Variants in GLIS3 observed in about 807,000 individuals in gnomAD.
GLIS3 encodes the protein zinc finger protein GLIS3.
A neutral mutation model predicts 78.6 loss-of-function variants in GLIS3; 53 were observed. That is an observed-to-expected ratio of 0.67 (90% CI 0.54 to 0.85). The LOEUF is 0.85. Ranked by LOEUF, GLIS3 falls within the 40% of genes least tolerant of loss-of-function variation. The probability of loss-of-function intolerance (pLI) is 0.00; values close to 1 mark genes in which losing one functional copy is unlikely to be tolerated. For missense variants in GLIS3, 1,703 were observed against 1,231.1 expected, an observed-to-expected ratio of 1.38 and a Z score of -5.74; for synonymous variants, 684 against 509.9, an observed-to-expected ratio of 1.34 and a Z score of -4.60.
chr9:4,249,028 A>C (rs146046002), intron 2 of GLIS3, among the ~76,000 whole-genome samples: 10 of 152,104 alleles, frequency 6.6e-5, no homozygotes, highest in Middle Eastern at 3.2e-3. Context: ...TTTGGTTACT[A>C]TACCCTTGTA....
intron 2 of GLIS3, among the ~76,000 whole-genome samples, chr9:4,245,546 G>C (rs1417769674): frequency 1.3e-5 from 2 of 152,212 alleles, no homozygotes; most frequent in East Asian, 1.9e-4. Context: ...ATAAATGTAA[G>C]GATGTGCAGT....
intron 4 of GLIS3, among the ~76,000 whole-genome samples, chr9:4,042,730 A>T (rs1230737713): frequency 1.3e-5 from 2 of 152,340 alleles, no homozygotes; most frequent in African/African-American, 4.8e-5. Flanking sequence ...CAAAAACTGT[A>T]GGGAAATATA....
At chr9:4,369,758 A>G in the GLIS3 span, among the ~76,000 whole-genome samples, 1 of 152,254 alleles carries the variant, frequency 6.6e-6, no homozygotes, top group Non-Finnish European at 1.5e-5. Flanking sequence ...GGACCTTGAC[A>G]AGTTGGAACC....
rs775835226 is a variant in GLIS3, at chr9:4,118,260, G to C, written c.1218C>G (p.Gly406=). 1 of 1,589,588 alleles carries C rather than the reference G, an allele frequency of 6.3e-7. No homozygotes were observed. ...GCTGCACCACCATGTGGTTGACCAG[G>C]CCTGGCTGCAGGCCGCCGTGCTCCA... The part of the protein sequence containing the change: ...QQLEHGGLQP[G]LVNHMVVQHG... Residue 406 remains glycine (G), a synonymous_variant, in exon 4 of 11, where the codon GGC becomes GGG. Transcript: ENST00000381971. The surrounding 1 kb of genome is among the most constrained non-coding windows in gnomAD (Gnocchi z 4.7).
intron 2 of GLIS3, among the ~76,000 whole-genome samples, chr9:4,336,860 A>G (rs986378880): frequency 1.7e-4 from 26 of 152,258 alleles, no homozygotes; most frequent in African/African-American, 6.3e-4. Flanking sequence ...GAGGTCTACA[A>G]AGTTATCTGT....
intron 2 of GLIS3, among the ~76,000 whole-genome samples, chr9:4,200,729 A>G (rs1819310426): frequency 6.6e-6 from 1 of 152,200 alleles, no homozygotes; most frequent in African/African-American, 2.4e-5. Flanking sequence ...ATGGACTCAC[A>G]GGACTCACGG....
At chr9:4,160,362 A>G (rs1170253901) in intron 2 of GLIS3, among the ~76,000 whole-genome samples, 1 of 152,250 alleles carries the variant, frequency 6.6e-6, no homozygotes, top group Admixed American at 6.5e-5. Flanking sequence ...TGTGGGAAAT[A>G]GGAACTCGCC....
At chr9:3,830,082 GAAT>G (rs1817958545) in intron 9 of GLIS3, among the ~76,000 whole-genome samples, 1 of 152,102 alleles carries the variant, frequency 6.6e-6, no homozygotes, top group African/African-American at 2.4e-5. Context: ...AACTGGAAGT[GAAT>G]AATGTTATGA....
chr9:3,857,106 C>CAGTTCAGTAGGGGACTGACAGAATATAG (rs1431494664), intron 8 of GLIS3, among the ~76,000 whole-genome samples: 5 of 152,278 alleles, frequency 3.3e-5, no homozygotes, highest in Non-Finnish European at 5.9e-5. Flanking sequence ...CTCCAGGTGC[C>CAGTTCAGTAGGGGACTGACAGAATATAG]AGTTCAGTAG....
rs76014781 is a variant in GLIS3, at chr9:4,224,988, T to C, written c.388+61050A>G. Among the ~76,000 whole-genome samples, 452 of 152,024 alleles carry C rather than the reference T, an allele frequency of 3.0e-3. 2 individuals are homozygous for C. Among genetic ancestry groups the C allele is most frequent in the African/African-American group, 0.01 (421 of 41,488 alleles). Reference sequence around the variant, plus strand: ...TTTTTAAACTATAATAATATACTATTTATATAGATCTTCCTACTATTTTTC... The same window carrying C: ...TTTTTAAACTATAATAATATACTATCTATATAGATCTTCCTACTATTTTTC... On this transcript the variant is annotated intron_variant, in intron 2 of 10. Coordinates refer to ENST00000381971, the MANE Select transcript of GLIS3 (RefSeq NM_001042413.2).
the GLIS3 span, among the ~76,000 whole-genome samples, chr9:4,488,277 G>A: frequency 6.6e-6 from 1 of 152,016 alleles, no homozygotes; most frequent in Non-Finnish European, 1.5e-5. Context: ...TTACACACAT[G>A]TGATCAAATT....
At chr9:3,850,249 G>T (rs977514973) in intron 9 of GLIS3, among the ~76,000 whole-genome samples, 1 of 152,188 alleles carries the variant, frequency 6.6e-6, no homozygotes, top group Admixed American at 6.5e-5. Flanking sequence ...CCAGTGCACA[G>T]GAAGGCGTGT....
At chr9:4,274,158 T>C (rs1325208489) in intron 2 of GLIS3, among the ~76,000 whole-genome samples, 1 of 152,162 alleles carries the variant, frequency 6.6e-6, no homozygotes, top group Non-Finnish European at 1.5e-5. Flanking sequence ...AAGCCTGAAC[T>C]GGACAATGGG....
intron 1 of GLIS3, among the ~76,000 whole-genome samples, chr9:4,298,050 G>A (rs1266114011): frequency 6.6e-6 from 1 of 152,172 alleles, no homozygotes; most frequent in African/African-American, 2.4e-5. Context: ...GCGCGAGCGA[G>A]CGAGGGAGCG....
intron 4 of GLIS3, among the ~76,000 whole-genome samples, chr9:4,103,130 T>C (rs1830496840): frequency 6.6e-6 from 1 of 152,216 alleles, no homozygotes; most frequent in Non-Finnish European, 1.5e-5. Flanking sequence ...TTTTGTTCCC[T>C]AGCTATCATA....
chr9:4,428,482 T>TGA, the GLIS3 span, among the ~76,000 whole-genome samples: 1 of 48,520 alleles, frequency 2.1e-5, no homozygotes, highest in Admixed American at 3.2e-4. Context: ...AGACTCTGTC[T>TGA]CAAAAAAAAA....
chr9:4,085,907 G>A (rs376314550), intron 4 of GLIS3, among the ~76,000 whole-genome samples: 1 of 152,168 alleles, frequency 6.6e-6, no homozygotes, highest in Non-Finnish European at 1.5e-5. Flanking sequence ...CTGCAGAACT[G>A]TGAGCAAATT....
At chr9:3,869,161 A>G (rs1192204382) in intron 8 of GLIS3, among the ~76,000 whole-genome samples, 2 of 152,048 alleles carry the variant, frequency 1.3e-5, no homozygotes, top group Non-Finnish European at 2.9e-5. Context: ...GTAAACAAAT[A>G]AACCTCTAGT....
chr9:4,376,575 T>C, the GLIS3 span, among the ~76,000 whole-genome samples: 1 of 134,244 alleles, frequency 7.4e-6, no homozygotes, highest in African/African-American at 2.6e-5. Flanking sequence ...GTCACGAAAA[T>C]AGAAGTCATG....
Sources: gnomAD v4.1 joint callset for allele counts (sites outside exome capture counted in the v4.1 genomes callset) on GRCh38, gnomAD v4.1.1 for gene constraint, Gnocchi (gnomAD v3.1) non-coding constraint, MANE v1.5 for transcripts, NCBI Gene and HGNC (gene_info 2026-07-23, HGNC 2026-07-21) for gene names.